Variants in LAMA1 observed in about 807,000 individuals in gnomAD.
LAMA1 encodes laminin subunit alpha 1.
LAMA1 carries 219 observed loss-of-function variants against 348.7 expected under a neutral mutation model. That is an observed-to-expected ratio of 0.63 (90% confidence interval 0.56 to 0.70). LAMA1 has a LOEUF of 0.70. LAMA1 is among the 30% of genes least tolerant of loss of function. The probability of loss-of-function intolerance (pLI) is 0.00; values close to 1 mark genes in which losing one functional copy is unlikely to be tolerated. For synonymous variants in LAMA1, 1,487 were observed against 1,491.0 expected (o/e 1.00, Z 0.06); for missense variants, 3,744 against 3,888.0 (o/e 0.96, Z 0.99).
rs115996119 is a variant in LAMA1, at chr18:7,007,803, C to T, written c.4123-527G>A. Among the ~76,000 whole-genome samples, 1,308 of 152,228 alleles carry T rather than the reference C, an allele frequency of 8.6e-3. 17 individuals carry two copies. Among genetic ancestry groups the T allele is most frequent in the African/African-American group, 0.03 (1,262 of 41,518 alleles). ...TATGTACAATGGAATATTATTCAGC[C>T]TTAAAAAGGAGGGAAATTCTGACAC... On this transcript the variant is annotated intron_variant, in intron 28 of 62. Transcript: ENST00000389658.
At chr18:7,103,178 G>T (rs1319211969) in intron 1 of LAMA1, among the ~76,000 whole-genome samples, 1 of 152,196 alleles carries the variant, frequency 6.6e-6, no homozygotes, top group African/African-American at 2.4e-5. Flanking sequence ...ACCACTTTGG[G>T]AGGCCGAGGC....
rs773676812 is a variant in LAMA1 at position 7,034,489 on chromosome 18, C to T, written c.2041G>A (p.Ala681Thr). 1 of 1,613,960 alleles carries T rather than the reference C, an allele frequency of 6.2e-7. No homozygotes were observed. Among genetic ancestry groups the T allele is most frequent in the Non-Finnish European group, 8.5e-7 (1 of 1,179,858 alleles). The change falls in exon 14 of 63, where the codon GCT becomes ACT. Residue 681 changes from alanine to threonine, a missense_variant. By Grantham distance (58) the Ala-to-Thr change is moderately conservative. Coordinates refer to ENST00000389658, the MANE Select transcript of LAMA1 (RefSeq NM_005559.4). ...IRANYNSAKM[A>T]LYRLESVSLD... The stretch of plus-strand genomic sequence containing the variant: ...ATTTTCAATACATACCTGTAAAGAG[C>T]CATTTTTGCAGAATTGTAGTTGGCT...
intron 1 of LAMA1, among the ~76,000 whole-genome samples, chr18:7,085,688 G>C (rs1286331176): frequency 3.3e-5 from 5 of 152,008 alleles, no homozygotes; most frequent in Non-Finnish European, 7.4e-5. Flanking sequence ...AAAGTGCTGG[G>C]ATTACAGGCG....
Position 6,982,977 on chromosome 18 carries a change from A to C in LAMA1, c.5796+122T>G, listed in dbSNP as rs1031527112. ...CAGATCATATGATGACAGAAGCCAGAAACAGATTCCACCAGAAAAGAATGT... is the reference window on the plus strand; with the variant it reads ...CAGATCATATGATGACAGAAGCCAGCAACAGATTCCACCAGAAAAGAATGT... On this transcript the variant is annotated intron_variant, in intron 40 of 62. Transcript: ENST00000389658. 49 of 1,308,394 alleles carry C rather than the reference A, an allele frequency of 3.7e-5. No individual in the cohort carries two copies. The African/African-American group carries it at 5.8e-4, about 15-fold the overall frequency. The allele number at this position is 1,308,394 out of a possible 1,614,324, so 81.0% of individuals were successfully genotyped here.
intron 51 of LAMA1, among the ~76,000 whole-genome samples, chr18:6,963,683 A>G (rs1029184131): frequency 6.6e-6 from 1 of 152,216 alleles, no homozygotes; most frequent in African/African-American, 2.4e-5. Flanking sequence ...TGAATGGCCC[A>G]GTTTGGACAT....
intron 4 of LAMA1, 75 bp downstream of exon 4, chr18:7,050,619 G>A (rs1568046718): frequency 3.9e-5 from 62 of 1,602,170 alleles, no homozygotes; most frequent in Non-Finnish European, 5.1e-5. Context: ...TGTATTGAGA[G>A]AGATCAATTT....
In LAMA1 at chr18:6,977,743, C is replaced by T. The variant is rs747244723; in HGVS notation, c.6329G>A (p.Arg2110His). 22 of 1,613,928 alleles carry T rather than the reference C, an allele frequency of 1.4e-5. No homozygotes were observed. Among genetic ancestry groups the T allele is most frequent in the South Asian group, 6.6e-5 (6 of 91,070 alleles). The change falls in exon 44 of 63, where the codon CGC becomes CAC. Residue 2110 changes from arginine to histidine, a missense_variant. By Grantham distance (29) the Arg-to-His change is conservative (BLOSUM62 0). Around this residue, in one of 3 missense-constraint regions of LAMA1, gnomAD observed 1,983 missense variants for 1,934.3 expected, o/e 1.03. Coordinates refer to ENST00000389658, the MANE Select transcript of LAMA1 (RefSeq NM_005559.4). ...CAAACTCACAGAAGCTGCTTGTTTG[C>T]GGGCCTGGCTGATCAACAGTTTAAT... ...SEIKLLISQA[R>H]KQAASIKVAV... is the part of the protein sequence containing the mutation.
At chr18:7,001,315 T>G (rs1413253647) in intron 30 of LAMA1, among the ~76,000 whole-genome samples, 1 of 123,412 alleles carries the variant, frequency 8.1e-6, no homozygotes, top group Non-Finnish European at 1.7e-5. Flanking sequence ...ATATTTCCGT[T>G]TTCCCCCTAT....
At chr18:7,115,609 G>C (rs970702669) in intron 1 of LAMA1, among the ~76,000 whole-genome samples, 2 of 151,160 alleles carry the variant, frequency 1.3e-5, no homozygotes, top group Admixed American at 1.3e-4. Flanking sequence ...CAGGATTATT[G>C]ACCAAAACAC....
intron 5 of LAMA1, 60 bp downstream of exon 5, chr18:7,049,018 T>C (rs912001551): frequency 1.3e-6 from 2 of 1,501,482 alleles, no homozygotes; most frequent in Non-Finnish European, 1.8e-6. Flanking sequence ...AAAATAATAG[T>C]TCCTTTAAAT....
intron 57 of LAMA1, among the ~76,000 whole-genome samples, chr18:6,951,697 G>T (rs1038770727): frequency 2.0e-5 from 3 of 152,200 alleles, no homozygotes; most frequent in African/African-American, 7.2e-5. Context: ...CAGCTGTTAC[G>T]ACAGCCAACG....
In LAMA1 at chr18:7,034,466, T is replaced by C. The variant is rs1329492989; in HGVS notation, c.2051+13A>G. The C allele has an allele frequency of 1.6e-5, 26 of 1,607,632 alleles. No homozygotes were observed. Among genetic ancestry groups the C allele is most frequent in the Non-Finnish European group, 2.1e-5 (25 of 1,174,210 alleles). ...CCTTCACCGTAAGTTTTTCCTCCAT[T>C]TTCAATACATACCTGTAAAGAGCCA... On this transcript the variant is annotated intron_variant, in intron 14 of 62. Coordinates refer to ENST00000389658, the MANE Select transcript of LAMA1 (RefSeq NM_005559.4).
chr18:6,985,102 T>C, intron 39 of LAMA1, 135 bp downstream of exon 39: 2 of 1,046,064 alleles, frequency 1.9e-6, no homozygotes, highest in Non-Finnish European at 1.5e-6. Flanking sequence ...AAATCCAACT[T>C]GCCAGGTAAA....
At chr18:6,946,835 A>C (rs1441756789) in intron 61 of LAMA1, among the ~76,000 whole-genome samples, 1 of 152,180 alleles carries the variant, frequency 6.6e-6, no homozygotes, top group African/African-American at 2.4e-5. Context: ...AATAATTTCC[A>C]AATAAAAAGT....
At chr18:7,074,845 C>T (rs956134838) in intron 3 of LAMA1, among the ~76,000 whole-genome samples, 1 of 106,468 alleles carries the variant, frequency 9.4e-6, no homozygotes, top group Non-Finnish European at 1.7e-5. Flanking sequence ...TAATACATTA[C>T]TAAAATAAAC....
chr18:7,045,997 T>TTAA, intron 6 of LAMA1, among the ~76,000 whole-genome samples: 1 of 151,812 alleles, frequency 6.6e-6, no homozygotes, highest in Non-Finnish European at 1.5e-5. Context: ...GGCTTCAAAA[T>TTAA]TAATAAGGCC....
rs1276175315 is a variant in LAMA1, at chr18:6,955,344, G to A, written c.8207+9C>T. On this transcript the variant is annotated intron_variant, in intron 57 of 62. Transcript: ENST00000389658. ...AGACGCCGCATAAGGATGTTAGAAT[G>A]ATACCTACTTCTTTCTGACAGCCGA... The A allele has an allele frequency of 6.2e-7, 1 of 1,605,902 alleles. No homozygotes were observed.
intron 3 of LAMA1, among the ~76,000 whole-genome samples, chr18:7,052,283 T>C (rs2058064959): frequency 6.6e-6 from 1 of 151,534 alleles, no homozygotes; most frequent in Non-Finnish European, 1.5e-5. Context: ...ACAAAAAAAT[T>C]AGCTGCGTGT....
In LAMA1 at chr18:7,015,926, G is replaced by T; in HGVS notation, c.2990-68C>A. 1.9e-6 allele frequency: 3 copies of T among 1,575,786 alleles called. No individual in the cohort carries two copies. In the Admixed American group the frequency reaches 5.1e-5, roughly 27 times the overall value. On this transcript the variant is annotated intron_variant, in intron 21 of 62. Coordinates refer to ENST00000389658, the MANE Select transcript of LAMA1 (RefSeq NM_005559.4). ...CATTAAAGGGCTAAGAGCTGATGCT[G>T]TTATTTCCCTTTTATTAAGAGTCCA...
Sources: allele counts gnomAD v4.1 joint callset (sites outside exome capture counted in the v4.1 genomes callset), GRCh38; gene constraint gnomAD v4.1.1; regional missense constraint gnomAD v4.1.1; transcripts MANE v1.5; gene names NCBI Gene and HGNC (gene_info 2026-07-23, HGNC 2026-07-21).